RPS11: variants seen among roughly 807,000 people sequenced by gnomAD.
RPS11 encodes the protein ribosomal protein S11.
For missense variants in RPS11, 127 were observed against 211.4 expected (o/e 0.60, Z 2.48); for synonymous variants, 107 against 78.0 (o/e 1.37, Z -1.96).
rs1209617971 is a variant in RPS11 at position 49,497,549 on chromosome 19, A to G, written c.177A>G (p.Lys59=). 19 of 1,613,850 alleles carry G rather than the reference A, an allele frequency of 1.2e-5. No homozygotes were observed. Among genetic ancestry groups the G allele is most frequent in the Admixed American group, 6.7e-5 (4 of 59,976 alleles). Residue 59 remains lysine, a synonymous_variant, in exon 3 of 5, where the codon AAA becomes AAG. Coordinates refer to ENST00000270625, the MANE Select transcript of RPS11 (RefSeq NM_001015.5). ...EAIEGTYIDK[K]CPFTGNVSIR... ...TTGAGGGCACCTACATTGACAAGAA[A>G]TGCCCCTTCACTGGTAATGTGTCCA...
chr19:49,499,493 G>A lies in RPS11; in HGVS notation c.354-19G>A. On this transcript the variant is annotated intron_variant, in intron 4 of 4. Transcript: ENST00000270625. ...TGGGGTGGCCCCTCCTGAGGACATG[G>A]CCCTACCTGCCTCCACAGGGACGTC... The A allele has an allele frequency of 6.2e-7, 1 of 1,611,270 alleles. No individual in the cohort carries two copies. Among genetic ancestry groups the A allele is most frequent in the Non-Finnish European group, 8.5e-7 (1 of 1,177,840 alleles).
intron 4 of RPS11, among the ~76,000 whole-genome samples, chr19:49,498,697 C>A (rs2079919752): frequency 1.3e-5 from 2 of 152,140 alleles, no homozygotes; most frequent in African/African-American, 4.8e-5. Flanking sequence ...CTGCAGTGAG[C>A]CGAGATGGCA....
chr19:49,497,683 G>T, intron 3 of RPS11, 88 bp downstream of exon 3: 2 of 1,339,888 alleles, frequency 1.5e-6, no homozygotes, highest in Admixed American at 1.7e-5. Flanking sequence ...GGTGAGAGGG[G>T]TGGTTAGGAA....
intron 4 of RPS11, among the ~76,000 whole-genome samples, chr19:49,498,416 T>G (rs1568692783): frequency 6.6e-6 from 1 of 152,226 alleles, no homozygotes; most frequent in Non-Finnish European, 1.5e-5. Context: ...TTGCGTACAT[T>G]GAACCATTGG....
At chr19:49,496,990 G>A (rs1341664575) in intron 1 of RPS11, among the ~76,000 whole-genome samples, 1 of 151,996 alleles carries the variant, frequency 6.6e-6, no homozygotes, top group Non-Finnish European at 1.5e-5. Context: ...AATAACCTCG[G>A]GCTTAGATCT....
At chr19:49,497,659 A>G in intron 3 of RPS11, 64 bp downstream of exon 3, 1 of 1,460,356 alleles carries the variant, frequency 6.8e-7, no homozygotes, top group African/African-American at 1.4e-5. Context: ...TGGGGCCCAG[A>G]CTCCTGGGTC....
At chr19:49,498,693 T>A (rs1458905474) in intron 4 of RPS11, among the ~76,000 whole-genome samples, 1 of 152,134 alleles carries the variant, frequency 6.6e-6, no homozygotes, top group East Asian at 1.9e-4. Flanking sequence ...GAGGCTGCAG[T>A]GAGCCGAGAT....
Position 49,499,021 on chromosome 19 carries a change from G to C in RPS11, c.354-491G>C, listed in dbSNP as rs573580978. Among the ~76,000 whole-genome samples the C allele has an allele frequency of 1.7e-4, 26 of 152,206 alleles. 1 individual carries two copies. The highest frequency in any genetic ancestry group is 1.0e-4 in the Non-Finnish European group (7 of 68,024). On this transcript the variant is annotated intron_variant, in intron 4 of 4. Transcript: ENST00000270625. ...CTCAGAGGGCACCTTCAAGCAGTGT[G>C]GGTGCCAGATGACAGCCAAGTATAA...
Position 49,497,584 on chromosome 19 carries a change from G to A in RPS11, c.212G>A (p.Arg71Gln), listed in dbSNP as rs768835765. ...PFTGNVSIRG[R>Q]ILSGVVTKMK... ...ACTGGTAATGTGTCCATTCGAGGGC[G>A]GATCCTCTCTGGTAAGTGCGGGAGT... The change falls in exon 3 of 5, where the codon CGG becomes CAG. Residue 71 changes from arginine to glutamine, a missense_variant. Transcript: ENST00000270625. The A allele has an allele frequency of 6.2e-7, 1 of 1,613,848 alleles. No homozygotes were observed. The highest frequency in any genetic ancestry group is 8.5e-7 in the Non-Finnish European group (1 of 1,179,810).
chr19:49,499,322 A>G (rs2079923066), intron 4 of RPS11, among the ~76,000 whole-genome samples, 190 bp from the exon 5 acceptor site: 1 of 152,136 alleles, frequency 6.6e-6, no homozygotes, highest in South Asian at 2.1e-4. Flanking sequence ...CTCTGTGTAC[A>G]GCGTTGAGCT....
intron 2 of RPS11, 85 bp from the exon 3 acceptor site, chr19:49,497,432 TGTA>T (rs1354400593): frequency 3.8e-6 from 6 of 1,593,218 alleles, no homozygotes; most frequent in Admixed American, 1.7e-5. Context: ...TGCTGGGAAT[TGTA>T]GTTGCTTCCC....
At chr19:49,498,937 C>T (rs957670903) in intron 4 of RPS11, among the ~76,000 whole-genome samples, 1 of 152,136 alleles carries the variant, frequency 6.6e-6, no homozygotes, top group East Asian at 1.9e-4. Context: ...TTATCACGTA[C>T]CAGGTGTGGT....
At chr19:49,496,508 C>G in intron 1 of RPS11, 37 bp downstream of exon 1, 1 of 1,594,642 alleles carries the variant, frequency 6.3e-7, no homozygotes, top group East Asian at 2.3e-5. Flanking sequence ...GTGCGGGGTC[C>G]GCCTTGGCCT....
chr19:49,498,098 G>T (rs371058290), intron 4 of RPS11, 52 bp downstream of exon 4: 13 of 1,607,856 alleles, frequency 8.1e-6, no homozygotes, highest in Non-Finnish European at 1.1e-5. Flanking sequence ...TCAGCCTTCA[G>T]ATTCCAGATC....
At chr19:49,499,151 T>C (rs2122640860) in intron 4 of RPS11, among the ~76,000 whole-genome samples, 1 of 152,204 alleles carries the variant, frequency 6.6e-6, no homozygotes, top group South Asian at 2.1e-4. Context: ...TGGCCCAAAC[T>C]GATGCTGAGC....
chr19:49,499,467 C>T (rs1369257073), intron 4 of RPS11, 45 bp from the exon 5 acceptor site: 3 of 1,588,486 alleles, frequency 1.9e-6, no homozygotes, highest in Non-Finnish European at 2.6e-6. Flanking sequence ...CTGGGGTCTG[C>T]TGGGGTGGCC....
At chr19:49,498,877 A>G (rs949323264) in intron 4 of RPS11, among the ~76,000 whole-genome samples, 1 of 152,184 alleles carries the variant, frequency 6.6e-6, no homozygotes, top group Non-Finnish European at 1.5e-5. Flanking sequence ...AACCTCAGAA[A>G]TGTTGGAATT....
intron 1 of RPS11, among the ~76,000 whole-genome samples, chr19:49,496,821 A>T (rs1248647749): frequency 2.0e-5 from 3 of 152,012 alleles, no homozygotes; most frequent in African/African-American, 7.3e-5. Context: ...TTTAATTCTG[A>T]ATCCTTATGT....
chr19:49,497,165 C>T (rs1226515006), intron 1 of RPS11, 29 bp from the exon 2 acceptor site: 8 of 1,610,192 alleles, frequency 5.0e-6, no homozygotes, highest in Admixed American at 1.7e-5. Context: ...AACTTAGCAG[C>T]TCATCAGTTT....
Sources: gnomAD v4.1 joint callset for allele counts (sites outside exome capture counted in the v4.1 genomes callset) on GRCh38, gnomAD v4.1.1 for gene constraint, MANE v1.5 for transcripts, NCBI Gene and HGNC (gene_info 2026-07-23, HGNC 2026-07-21) for gene names.